The following TMEM26 variants were observed in gnomAD, a reference collection of about 807,000 sequenced individuals.
TMEM26 encodes the protein transmembrane protein 26.
TMEM26 carries 38 observed loss-of-function variants against 28.8 expected under a neutral mutation model. That is an observed-to-expected ratio of 1.32 (90% CI 1.02 to 1.73). The LOEUF is 1.73. Among genes scored for constraint, TMEM26 ranks in the 40% most tolerant of loss-of-function variants. TMEM26 has a pLI of 0.00. For missense variants in TMEM26, 518 were observed against 447.1 expected, an observed-to-expected ratio of 1.16 and a Z score of -1.43; for synonymous variants, 227 against 182.9, an observed-to-expected ratio of 1.24 and a Z score of -1.95.
chr10:61,439,144 C>G lies in TMEM26; in HGVS notation c.192-2896G>C, dbSNP rs181160943. 2.0e-5 allele frequency among the ~76,000 whole-genome samples: 3 copies of G among 152,318 alleles called. No homozygotes were observed. In the East Asian group the frequency reaches 5.8e-4, roughly 29 times the overall value. ...AAAGCTTATTTTGGAATGTTCTTCTCTTGCACGTCTATCCACCAACATTCT... is the reference window on the plus strand; with the variant it reads ...AAAGCTTATTTTGGAATGTTCTTCTGTTGCACGTCTATCCACCAACATTCT... On this transcript the variant is annotated intron_variant, in intron 1 of 5. Transcript: ENST00000399298.
intron 5 of TMEM26, among the ~76,000 whole-genome samples, chr10:61,412,047 G>A (rs1175703533): frequency 1.3e-5 from 2 of 152,098 alleles, no homozygotes; most frequent in African/African-American, 2.4e-5. Flanking sequence ...GGTGAGGATC[G>A]GCAGAGTGAA....
chr10:61,441,868 A>T (rs1199461888), intron 1 of TMEM26, among the ~76,000 whole-genome samples: 1 of 152,174 alleles, frequency 6.6e-6, no homozygotes, highest in African/African-American at 2.4e-5. Context: ...CTATATTTTC[A>T]TATAAAGCCC....
chr10:61,432,416 G>T (rs942370801), intron 2 of TMEM26, among the ~76,000 whole-genome samples: 1 of 152,082 alleles, frequency 6.6e-6, no homozygotes, highest in Non-Finnish European at 1.5e-5. Flanking sequence ...TCCACCAGAT[G>T]CTGGGAATCC....
At chr10:61,423,664 G>A (rs566683373) in intron 4 of TMEM26, among the ~76,000 whole-genome samples, 31 of 152,272 alleles carry the variant, frequency 2.0e-4, no homozygotes, top group African/African-American at 6.7e-4. Flanking sequence ...CTTGAGTCCA[G>A]GAGGTCAGTG....
Position 61,436,249 on chromosome 10 carries a change from C to CTG in TMEM26, c.192-3_192-2dup. 6.4e-7 allele frequency: 1 copy of CTG among 1,574,254 alleles called. No individual in the cohort carries two copies. Among genetic ancestry groups the CTG allele is most frequent in the South Asian group, 1.2e-5 (1 of 83,680 alleles). Reference sequence around the variant, plus strand: ...ATATAAAAATATGGCTGGTGAAAACCTGTGAAAAGAGAGAAGAAAAAATAG... The same window carrying CTG: ...ATATAAAAATATGGCTGGTGAAAACCTGTGTGAAAAGAGAGAAGAAAAAATAG... On this transcript the variant is annotated splice_acceptor_variant, in intron 1 of 5. Transcript: ENST00000399298. LOFTEE classifies it high-confidence loss of function.
intron 4 of TMEM26, among the ~76,000 whole-genome samples, chr10:61,422,403 C>A (rs1283780851): frequency 6.6e-6 from 1 of 151,922 alleles, no homozygotes; most frequent in Non-Finnish European, 1.5e-5. Context: ...ATATAATAGA[C>A]CACAAAGTAA....
intron 2 of TMEM26, among the ~76,000 whole-genome samples, chr10:61,433,752 C>T (rs1195019461): frequency 2.6e-5 from 4 of 152,082 alleles, no homozygotes. Flanking sequence ...TTAAATTACT[C>T]TTTTCTACAA....
At chr10:61,434,133 C>G (rs1839965202) in intron 2 of TMEM26, among the ~76,000 whole-genome samples, 1 of 152,160 alleles carries the variant, frequency 6.6e-6, no homozygotes, top group South Asian at 2.1e-4. Context: ...TATTTAACTG[C>G]AATTCCAATA....
chr10:61,414,182 G>C, intron 4 of TMEM26: 1 of 460,068 alleles, frequency 2.2e-6, no homozygotes, highest in Non-Finnish European at 2.9e-6. Context: ...CACCAAAGAA[G>C]GGTCCATACT....
At chr10:61,425,647 C>G (rs2135303939) in intron 4 of TMEM26, among the ~76,000 whole-genome samples, 1 of 152,068 alleles carries the variant, frequency 6.6e-6, no homozygotes, top group South Asian at 2.1e-4. Flanking sequence ...AGACACATCA[C>G]CAAAGAAGAT....
At chr10:61,449,198 G>A (rs970561152) in intron 1 of TMEM26, among the ~76,000 whole-genome samples, 3 of 152,026 alleles carry the variant, frequency 2.0e-5, no homozygotes, top group African/African-American at 7.3e-5. Context: ...TTAGCTTAAC[G>A]GGGGACATGT....
At chr10:61,413,273 G>A (rs554694200) in intron 5 of TMEM26, among the ~76,000 whole-genome samples, 186 bp downstream of exon 5, 17 of 152,178 alleles carry the variant, frequency 1.1e-4, no homozygotes, top group Non-Finnish European at 2.2e-4. Context: ...TAAGCTCACC[G>A]TGTACCACAG....
chr10:61,412,654 T>C (rs575484326), intron 5 of TMEM26, among the ~76,000 whole-genome samples: 1 of 152,172 alleles, frequency 6.6e-6, no homozygotes, highest in South Asian at 2.1e-4. Context: ...TCAACTGAAC[T>C]TTCTGTGATG....
At chr10:61,413,032 A>G in intron 5 of TMEM26, 1 of 1,150,496 alleles carries the variant, frequency 8.7e-7, no homozygotes, top group Non-Finnish European at 1.1e-6. Flanking sequence ...TCTTACAAAT[A>G]ATAAGAAATA....
chr10:61,415,895 T>G (rs1234113847), intron 4 of TMEM26, among the ~76,000 whole-genome samples: 2 of 152,066 alleles, frequency 1.3e-5, no homozygotes, highest in African/African-American at 2.4e-5. Context: ...AGATAATTCC[T>G]TAGAAGTTTT....
intron 1 of TMEM26, among the ~76,000 whole-genome samples, chr10:61,438,077 A>AT (rs1840037414): frequency 6.6e-6 from 1 of 152,114 alleles, no homozygotes; most frequent in Non-Finnish European, 1.5e-5. Flanking sequence ...TCACTAATAT[A>AT]TTTTTTCAAT....
intron 5 of TMEM26, 147 bp from the exon 6 acceptor site, chr10:61,410,893 C>T (rs997169350): frequency 3.4e-6 from 3 of 883,850 alleles, no homozygotes; most frequent in Non-Finnish European, 3.4e-6. Flanking sequence ...ATGGAATGAT[C>T]CAGTAATTTA....
rs10994755 is a variant in TMEM26, at chr10:61,409,480, G to C, written c.*842C>G. 1 of 152,296 alleles carries C rather than the reference G, an allele frequency of 6.6e-6. No individual in the cohort carries two copies. Among genetic ancestry groups the C allele is most frequent in the African/African-American group, 2.4e-5 (1 of 41,450 alleles). 9.4% of individuals were successfully genotyped at this position (152,296 alleles called of 1,614,324 possible). ...CGAAACACCTTTATTCACTGCTTCA[G>C]AGCTTCCCTGCATCAGCCCACATGA... On this transcript the variant is annotated 3_prime_UTR_variant, in exon 6 of 6. Coordinates refer to ENST00000399298, the MANE Select transcript of TMEM26 (RefSeq NM_178505.8).
In TMEM26 at chr10:61,410,642, T is replaced by A; in HGVS notation, c.787A>T (p.Ile263Leu). 1.2e-6 allele frequency: 2 copies of A among 1,614,118 alleles called. No homozygotes were observed. Among genetic ancestry groups the A allele is most frequent in the Non-Finnish European group, 1.7e-6 (2 of 1,180,016 alleles). ...ACGACAAGGAAGGGGCCATCTTGTA[T>A]GAAGACGCTGATTCCGATGTTCCAC... is the stretch of plus-strand genomic sequence containing the variant. Reference protein sequence around the residue: ...DLWNIGISVFIQDGPFLVVRL... With the variant: ...DLWNIGISVFLQDGPFLVVRL... The change falls in exon 6 of 6, where the codon ATA becomes TTA. Residue 263 changes from isoleucine to leucine, a missense_variant. By Grantham distance (5) the Ile-to-Leu change is conservative. Transcript: ENST00000399298.
Sources: gnomAD v4.1 joint callset for allele counts (sites outside exome capture counted in the v4.1 genomes callset) on GRCh38, gnomAD v4.1.1 for gene constraint, MANE v1.5 for transcripts, NCBI Gene and HGNC (gene_info 2026-07-23, HGNC 2026-07-21) for gene names.